Variants in LRP2 observed in about 807,000 individuals in gnomAD.
The protein encoded by LRP2 is LDL receptor related protein 2, also known as low-density lipoprotein receptor-related protein 2.
LRP2 carries 172 observed loss-of-function variants against 531.0 expected under a neutral mutation model. The ratio of observed to expected loss-of-function variants is 0.32; its 90% CI spans 0.29 to 0.37. The LOEUF is 0.37. LRP2 is among the 10% of genes least tolerant of loss of function. The probability of loss-of-function intolerance (pLI) is 1.00; values close to 1 mark genes in which losing one functional copy is unlikely to be tolerated. For missense variants in LRP2, 5,167 were observed against 5,868.3 expected (o/e 0.88, Z 3.90); for synonymous variants, 1,992 against 2,027.6 (o/e 0.98, Z 0.47).
rs1478130877 is a variant in LRP2 at position 169,206,843 on chromosome 2, C to G, written c.6877G>C (p.Val2293Leu). The G allele has an allele frequency of 3.1e-6, 5 of 1,614,132 alleles. No individual in the cohort carries two copies. Among genetic ancestry groups the G allele is most frequent in the Non-Finnish European group, 3.4e-6 (4 of 1,180,020 alleles). Residue 2293 changes from valine (V) to leucine (L), a missense_variant, in exon 39 of 79, where the codon GTA becomes CTA. Physicochemically the swap from Val to Leu is conservative, Grantham distance 32. Around this residue, in one of 6 missense-constraint regions of LRP2, gnomAD observed 2,811 missense variants for 3,058.0 expected, o/e 0.92. Coordinates refer to ENST00000649046, the MANE Select transcript of LRP2 (RefSeq NM_004525.3). ...ITVFENSIIW[V>L]DRNLKKIFQA... ...AAGATCTTTTTCAAATTCCTATCTA[C>G]CCATATGATAGAATTTTCAAAAACA...
Position 169,272,991 on chromosome 2 carries a change from A to G in LRP2, c.2052T>C (p.Gly684=). 6.2e-7 allele frequency: 1 copy of G among 1,613,778 alleles called. No individual in the cohort carries two copies. Among genetic ancestry groups the G allele is most frequent in the African/African-American group, 1.3e-5 (1 of 75,004 alleles). The change falls in exon 15 of 79, where the codon GGT becomes GGC. Residue 684 remains glycine, a synonymous_variant. Coordinates refer to ENST00000649046, the MANE Select transcript of LRP2 (RefSeq NM_004525.3). ...ATGTGCACTTGCAACGGAAACCCAA[A>G]CCATCATTATCTGTTCTGTGGCTGA... The part of the protein sequence containing the change: ...CVLSHRTDND[G]LGFRCKCTFG...
Position 169,233,450 on chromosome 2 carries a change from G to A in LRP2, c.5059C>T (p.Leu1687Phe). The change falls in exon 30 of 79, where the codon CTT becomes TTT. Residue 1687 changes from leucine (L) to phenylalanine (F), a missense_variant. Around this residue, in one of 6 missense-constraint regions of LRP2, gnomAD observed 2,811 missense variants for 3,058.0 expected, o/e 0.92. Transcript: ENST00000649046. ...SVVMYNIQWP[L>F]GIVAVHPSKQ... Reference sequence around the variant, plus strand: ...GAAGGATGAACCGCAACAATCCCAAGGGGCCATTGAATATTATACATTACA... The same window carrying A: ...GAAGGATGAACCGCAACAATCCCAAAGGGCCATTGAATATTATACATTACA... 1 of 1,614,156 alleles carries A rather than the reference G, an allele frequency of 6.2e-7. No individual in the cohort carries two copies. The highest frequency in any genetic ancestry group is 1.3e-5 in the African/African-American group (1 of 75,024).
intron 49 of LRP2, 60 bp downstream of exon 49, chr2:169,187,910 G>A: frequency 1.3e-6 from 2 of 1,559,202 alleles, no homozygotes; most frequent in Non-Finnish European, 1.8e-6. Flanking sequence ...GTCGTGAAGG[G>A]TTGAGAATCC....
intron 57 of LRP2, 35 bp downstream of exon 57, chr2:169,173,061 T>G: frequency 1.2e-6 from 2 of 1,613,830 alleles, no homozygotes; most frequent in East Asian, 2.2e-5. Context: ...TGCACTTTCT[T>G]GTCCCTCCCT....
At chr2:169,212,323 T>C (rs1242442624) in intron 36 of LRP2, 116 bp from the exon 37 acceptor site, 6 of 1,324,180 alleles carry the variant, frequency 4.5e-6, no homozygotes, top group South Asian at 2.5e-5. Context: ...AACCAACATA[T>C]AGTAGCTGAG....
At chr2:169,205,947 C>A in intron 40 of LRP2, 76 bp downstream of exon 40, 2 of 1,558,946 alleles carry the variant, frequency 1.3e-6, no homozygotes, top group South Asian at 1.1e-5. Flanking sequence ...CATTGGCTAT[C>A]TATGAACATA....
intron 9 of LRP2, among the ~76,000 whole-genome samples, chr2:169,285,215 G>A (rs1012897102): frequency 1.4e-4 from 21 of 151,608 alleles, no homozygotes; most frequent in Non-Finnish European, 2.5e-4. Context: ...CCAGCTATTC[G>A]GGAGGCTGAA....
intron 8 of LRP2, 59 bp downstream of exon 8, chr2:169,290,786 G>T (rs1241795714): frequency 6.4e-6 from 10 of 1,570,964 alleles, no homozygotes; most frequent in Non-Finnish European, 7.9e-6. Flanking sequence ...TTGAACGTCT[G>T]TTCTAGAAAA....
intron 15 of LRP2, 51 bp downstream of exon 15, chr2:169,272,876 C>A (rs1488987662): frequency 6.2e-7 from 1 of 1,611,486 alleles, no homozygotes. Context: ...GAGGTTTGGA[C>A]ACACATACAC....
At chr2:169,278,333 G>T (rs1471138129) in intron 12 of LRP2, among the ~76,000 whole-genome samples, 1 of 151,872 alleles carries the variant, frequency 6.6e-6, no homozygotes, top group Non-Finnish European at 1.5e-5. Flanking sequence ...AAAATTAAAA[G>T]ATTAGCTGGG....
At chr2:169,215,760 A>G (rs1688762902) in intron 35 of LRP2, among the ~76,000 whole-genome samples, 1 of 147,562 alleles carries the variant, frequency 6.8e-6, no homozygotes, top group Admixed American at 6.8e-5. Context: ...TAGATCATAT[A>G]TAGAATCTAT....
chr2:169,308,133 T>C (rs1263875453), intron 3 of LRP2, among the ~76,000 whole-genome samples: 2 of 152,122 alleles, frequency 1.3e-5, no homozygotes, highest in Non-Finnish European at 2.9e-5. Context: ...GGGGAAAACG[T>C]GATCATCTAA....
At chr2:169,212,328 G>A (rs1688623953) in intron 36 of LRP2, 121 bp from the exon 37 acceptor site, 1 of 1,248,888 alleles carries the variant, frequency 8.0e-7, no homozygotes, top group Non-Finnish European at 1.1e-6. Flanking sequence ...ACATATAGTA[G>A]CTGAGTTAGC....
rs765875054 is a variant in LRP2, at chr2:169,140,516, G to C, written c.13138C>G (p.Pro4380Ala). 46 of 1,613,732 alleles carry C rather than the reference G, an allele frequency of 2.9e-5. No individual in the cohort carries two copies. Among genetic ancestry groups the C allele is most frequent in the Middle Eastern group, 1.6e-4 (1 of 6,084 alleles). Residue 4380 changes from proline (P) to alanine (A), a missense_variant, in exon 72 of 79, where the codon CCA becomes GCA. Transcript: ENST00000649046. ...AIELPINLPP[P>A]CRCMHGGNCY... ...TTTCCTCCGTGCATGCACCTGCATGGGGGGGGCAGGTTGATAGGCAGTTCG... is the reference window on the plus strand; with the variant it reads ...TTTCCTCCGTGCATGCACCTGCATGCGGGGGGCAGGTTGATAGGCAGTTCG...
At chr2:169,338,195 AG>A (rs1465625906) in intron 1 of LRP2, among the ~76,000 whole-genome samples, 1 of 150,552 alleles carries the variant, frequency 6.6e-6, no homozygotes, top group African/African-American at 2.5e-5. Flanking sequence ...AAAGAGAGAA[AG>A]AAAAGAAAGA....
In LRP2 at chr2:169,132,828, G is replaced by T; in HGVS notation, c.13621-147C>A. 6 of 675,680 alleles carry T rather than the reference G, an allele frequency of 8.9e-6. No individual in the cohort carries two copies. The South Asian group carries it at 9.1e-5, about 10-fold the overall frequency. The allele number at this position is 675,680 out of a possible 1,614,324, so 41.9% of individuals were successfully genotyped here. A position where few individuals can be genotyped will look rare whatever the true frequency, so the allele number is the denominator to read the frequency against. Reference sequence around the variant, plus strand: ...GGCACCATTTTTATTGCATGACCCAGTAGGCCAGGACTAAACATCACTCCC... The same window carrying T: ...GGCACCATTTTTATTGCATGACCCATTAGGCCAGGACTAAACATCACTCCC... On this transcript the variant is annotated intron_variant, in intron 76 of 78. Coordinates refer to ENST00000649046, the MANE Select transcript of LRP2 (RefSeq NM_004525.3).
At chr2:169,209,302 G>T in intron 38 of LRP2, 151 bp downstream of exon 38, 1 of 707,252 alleles carries the variant, frequency 1.4e-6, no homozygotes, top group Non-Finnish European at 2.6e-6. Context: ...AAATAGACAC[G>T]TAGCTTAATC....
In LRP2 at chr2:169,208,916, A is replaced by T. The variant is rs1164193252; in HGVS notation, c.6469+537T>A. ...TAAAAATGAGGGGTTATTCAAGCTT[A>T]TGTGCATGAATAAATACAACTAAGT... On this transcript the variant is annotated intron_variant, in intron 38 of 78. Coordinates refer to ENST00000649046, the MANE Select transcript of LRP2 (RefSeq NM_004525.3). Among the ~76,000 whole-genome samples, 4 of 152,292 alleles carry T rather than the reference A, an allele frequency of 2.6e-5. No individual in the cohort carries two copies. The East Asian group carries it at 7.7e-4, about 29-fold the overall frequency.
intron 3 of LRP2, among the ~76,000 whole-genome samples, chr2:169,307,733 A>G (rs1684465360): frequency 2.0e-5 from 3 of 152,208 alleles, no homozygotes; most frequent in South Asian, 2.1e-4. Context: ...CAACCCACCC[A>G]TTGAAATCCT....
Sources: gnomAD v4.1 joint callset for allele counts (sites outside exome capture counted in the v4.1 genomes callset) on GRCh38, gnomAD v4.1.1 for gene constraint, gnomAD v4.1.1 regional missense constraint, MANE v1.5 for transcripts, NCBI Gene and HGNC (gene_info 2026-07-23, HGNC 2026-07-21) for gene names.